RORA: variants seen among roughly 807,000 people sequenced by gnomAD.
RORA encodes nuclear receptor ROR-alpha.
Under a neutral mutation model 69.5 loss-of-function variants are expected in RORA, and 7 were observed. That is an observed-to-expected ratio of 0.10 (90% CI 0.06 to 0.19). The LOEUF (loss-of-function observed/expected upper bound fraction) is 0.19. Among genes scored for constraint, RORA ranks in the 10% least tolerant of loss-of-function variants. RORA has a pLI of 1.00. For synonymous variants in RORA, 261 were observed against 240.8 expected, an observed-to-expected ratio of 1.08 and a Z score of -0.78; for missense variants, 457 against 663.0, an observed-to-expected ratio of 0.69 and a Z score of 3.41.
intron 2 of RORA, among the ~76,000 whole-genome samples, chr15:60,552,984 G>A (rs1412331601): frequency 6.6e-6 from 1 of 152,086 alleles, no homozygotes; most frequent in East Asian, 1.9e-4. Context: ...GTGATCATGG[G>A]CAAGTTATTT....
intron 1 of RORA, among the ~76,000 whole-genome samples, chr15:60,759,625 C>T (rs2071855473): frequency 6.6e-6 from 1 of 152,204 alleles, no homozygotes; most frequent in African/African-American, 2.4e-5. Flanking sequence ...TGCCCATACA[C>T]ATAGAGAAAT....
intron 1 of RORA, among the ~76,000 whole-genome samples, chr15:60,820,240 C>A (rs1455637890): frequency 6.6e-6 from 1 of 152,208 alleles, no homozygotes; most frequent in Non-Finnish European, 1.5e-5. Context: ...CAGGTTCTAG[C>A]ACGTGTTTTG....
At chr15:60,648,814 G>C (rs1017164087) in intron 2 of RORA, among the ~76,000 whole-genome samples, 1 of 152,140 alleles carries the variant, frequency 6.6e-6, no homozygotes, top group Non-Finnish European at 1.5e-5. Context: ...TTTTGAGGGG[G>C]GAGAGGGAAG....
chr15:61,080,857 C>G (rs2078528935), intron 1 of RORA, among the ~76,000 whole-genome samples: 1 of 152,220 alleles, frequency 6.6e-6, no homozygotes, highest in Non-Finnish European at 1.5e-5. Context: ...TCTTCTTGCT[C>G]TCCTGGGAGC....
intron 1 of RORA, among the ~76,000 whole-genome samples, chr15:60,779,331 T>C (rs1011802989): frequency 6.6e-6 from 1 of 152,174 alleles, no homozygotes; most frequent in Admixed American, 6.5e-5. Flanking sequence ...AAGAATTGCC[T>C]TCCTCCAACA....
chr15:61,178,247 A>G (rs1396767770), intron 1 of RORA, among the ~76,000 whole-genome samples: 2 of 152,234 alleles, frequency 1.3e-5, no homozygotes, highest in Non-Finnish European at 2.9e-5. Flanking sequence ...TGACTTTCCT[A>G]AAGTGATACA....
At chr15:60,583,162 G>A (rs2068239674) in intron 2 of RORA, among the ~76,000 whole-genome samples, 1 of 152,136 alleles carries the variant, frequency 6.6e-6, no homozygotes, top group Non-Finnish European at 1.5e-5. Flanking sequence ...CTCCACACCA[G>A]CCAGAGGAAG....
intron 1 of RORA, among the ~76,000 whole-genome samples, chr15:61,212,305 G>C (rs533244986): frequency 6.6e-6 from 1 of 152,242 alleles, no homozygotes; most frequent in South Asian, 2.1e-4. Flanking sequence ...GGCATGTTGG[G>C]AGAGCACCAT....
intron 1 of RORA, among the ~76,000 whole-genome samples, chr15:61,214,777 T>C (rs1210358053): frequency 6.6e-6 from 1 of 151,910 alleles, no homozygotes; most frequent in African/African-American, 2.4e-5. Flanking sequence ...GGACAATTAC[T>C]GCCAAACTAT....
intron 1 of RORA, among the ~76,000 whole-genome samples, chr15:61,032,015 A>C (rs547980366): frequency 1.3e-5 from 2 of 152,200 alleles, no homozygotes; most frequent in Admixed American, 1.3e-4. Flanking sequence ...GTTTGTCTCA[A>C]AATAGTGTCT....
At chr15:60,714,571 G>T (rs1445542117) in intron 1 of RORA, among the ~76,000 whole-genome samples, 2 of 146,232 alleles carry the variant, frequency 1.4e-5, no homozygotes, top group Non-Finnish European at 3.0e-5. Context: ...CACCATATTG[G>T]CCAGGCTGGT....
At chr15:60,572,901 A>G (rs924772809) in intron 2 of RORA, among the ~76,000 whole-genome samples, 1 of 152,240 alleles carries the variant, frequency 6.6e-6, no homozygotes, top group African/African-American at 2.4e-5. Context: ...TCTTTAAATA[A>G]ACGTGTACCA....
chr15:61,124,420 C>T (rs1374941882), intron 1 of RORA, among the ~76,000 whole-genome samples: 2 of 152,136 alleles, frequency 1.3e-5, no homozygotes, highest in African/African-American at 4.8e-5. Flanking sequence ...GATTCAGCAC[C>T]CTCTCTGCCC....
intron 1 of RORA, among the ~76,000 whole-genome samples, chr15:61,194,356 G>C (rs2079827961): frequency 6.6e-6 from 1 of 152,018 alleles, no homozygotes. Flanking sequence ...TCAGGAGTTT[G>C]AGACGAGCCT....
At chr15:60,985,114 TCAA>T (rs1350722774) in intron 1 of RORA, among the ~76,000 whole-genome samples, 2 of 152,212 alleles carry the variant, frequency 1.3e-5, no homozygotes, top group Admixed American at 1.3e-4. Context: ...CATTCCAGGA[TCAA>T]GTTTCCTAAA....
intron 1 of RORA, among the ~76,000 whole-genome samples, chr15:61,195,095 C>A (rs2079835327): frequency 1.3e-5 from 2 of 151,900 alleles, no homozygotes; most frequent in Non-Finnish European, 1.5e-5. Flanking sequence ...AAGAGGTATA[C>A]AGGTGGATTT....
At chr15:60,891,113 G>T (rs2073808758) in intron 1 of RORA, among the ~76,000 whole-genome samples, 1 of 152,174 alleles carries the variant, frequency 6.6e-6, no homozygotes, top group Non-Finnish European at 1.5e-5. Context: ...TCAGCTGCCT[G>T]CCCATTAGAG....
At chr15:60,941,636 T>C (rs1410249694) in intron 1 of RORA, among the ~76,000 whole-genome samples, 1 of 152,236 alleles carries the variant, frequency 6.6e-6, no homozygotes, top group Non-Finnish European at 1.5e-5. Context: ...ACTTTATTTT[T>C]AGTTCCTTGG....
chr15:60,738,678 G>T (rs1418622632), intron 1 of RORA, among the ~76,000 whole-genome samples: 1 of 152,062 alleles, frequency 6.6e-6, no homozygotes, highest in East Asian at 1.9e-4. Context: ...AGTTTTGTTG[G>T]TCCCTAAAAG....
Sources: gnomAD v4.1 joint callset for allele counts (sites outside exome capture counted in the v4.1 genomes callset) on GRCh38, gnomAD v4.1.1 for gene constraint, MANE v1.5 for transcripts, NCBI Gene and HGNC (gene_info 2026-07-23, HGNC 2026-07-21) for gene names.